PMM2: variants seen among roughly 807,000 people sequenced by gnomAD.
PMM2 encodes the protein mannose-6-phosphate isomerase.
A neutral mutation model predicts 33.2 loss-of-function variants in PMM2; 35 were observed. That is an observed-to-expected ratio of 1.06 (90% CI 0.81 to 1.40). The LOEUF (loss-of-function observed/expected upper bound fraction) is 1.40. Among genes scored for constraint, PMM2 ranks in the 40% most tolerant of loss-of-function variants. The probability of loss-of-function intolerance (pLI) is 0.00; values close to 1 mark genes in which losing one functional copy is unlikely to be tolerated. For missense variants in PMM2, 386 were observed against 306.0 expected (o/e 1.26, Z -1.95); for synonymous variants, 153 against 114.7 (o/e 1.33, Z -2.13).
chr16:8,819,936 A>C (rs1156631756), intron 7 of PMM2, among the ~76,000 whole-genome samples: 1 of 152,212 alleles, frequency 6.6e-6, no homozygotes, highest in Admixed American at 6.5e-5. Flanking sequence ...ATTCTCCTAC[A>C]TCGCTTCTAA....
intron 7 of PMM2, among the ~76,000 whole-genome samples, chr16:8,836,223 C>T (rs943701127): frequency 4.0e-5 from 6 of 151,864 alleles, no homozygotes; most frequent in East Asian, 1.9e-4. Context: ...GAGAGTTACC[C>T]GATGCTCGGC....
At chr16:8,822,732 G>A (rs1331303538) in intron 7 of PMM2, among the ~76,000 whole-genome samples, 2 of 152,204 alleles carry the variant, frequency 1.3e-5, no homozygotes, top group Admixed American at 6.5e-5. Flanking sequence ...CTGACAGGGA[G>A]CGTAGTCAGG....
At chr16:8,815,120 A>G (rs764117294) in intron 7 of PMM2, among the ~76,000 whole-genome samples, 9 of 151,894 alleles carry the variant, frequency 5.9e-5, no homozygotes, top group Admixed American at 2.0e-4. Context: ...TTCACTCAGT[A>G]TGTCTTCTCA....
At chr16:8,827,602 G>A (rs1353650053) in intron 7 of PMM2, among the ~76,000 whole-genome samples, 6 of 147,180 alleles carry the variant, frequency 4.1e-5, no homozygotes, top group African/African-American at 1.3e-4. Flanking sequence ...CACTATGTTG[G>A]CCAGGCTGGT....
chr16:8,829,669 G>C (rs1261511764), intron 7 of PMM2, among the ~76,000 whole-genome samples: 1 of 152,198 alleles, frequency 6.6e-6, no homozygotes, highest in East Asian at 1.9e-4. Flanking sequence ...GATGGTCTCT[G>C]AGCCAGATGG....
At chr16:8,815,629 G>A (rs2060703901) in intron 7 of PMM2, among the ~76,000 whole-genome samples, 1 of 152,116 alleles carries the variant, frequency 6.6e-6, no homozygotes, top group African/African-American at 2.4e-5. Context: ...TGAACACGGG[G>A]GTACAGATAC....
At position 8,806,341 on chromosome 16, in the gene PMM2, C is replaced by A; in HGVS notation, c.281C>A (p.Ala94Asp). The A allele has an allele frequency of 6.2e-7, 1 of 1,608,928 alleles. No individual in the cohort carries two copies. Among genetic ancestry groups the A allele is most frequent in the Non-Finnish European group, 8.5e-7 (1 of 1,175,288 alleles). Reference sequence around the variant, plus strand: ...AATATTCAAAGTCATCTGGGTGAGGCCCTAATCCAAGATTTAATCAACTAC... The same window carrying A: ...AATATTCAAAGTCATCTGGGTGAGGACCTAATCCAAGATTTAATCAACTAC... ...RQNIQSHLGE[A>D]LIQDLINYCL... The change falls in exon 4 of 8, where the codon GCC (alanine) becomes GAC (aspartate). Residue 94 changes from alanine (A) to aspartate (D), a missense_variant. Ala to Asp is a moderately radical substitution (Grantham distance 126). Coordinates refer to ENST00000268261, the MANE Select transcript of PMM2 (RefSeq NM_000303.3).
chr16:8,836,036 A>C lies in PMM2; in HGVS notation c.640-11688A>C, dbSNP rs557642120. Among the ~76,000 whole-genome samples the C allele has an allele frequency of 9.9e-5, 15 of 151,366 alleles. 1 individual carries two copies. Among genetic ancestry groups the C allele is most frequent in the Admixed American group, 4.0e-4 (6 of 15,186 alleles). On this transcript the variant is annotated intron_variant, in intron 7 of 7. Coordinates refer to ENST00000268261, the MANE Select transcript of PMM2 (RefSeq NM_000303.3). ...TGGGGATAACTGAAAAGGAGTGCTT[A>C]AAAGAGTAATGTCTAAATTGGCACC...
Position 8,848,413 on chromosome 16 carries a change from G to A in PMM2, c.*588G>A, listed in dbSNP as rs886052464. On this transcript the variant is annotated 3_prime_UTR_variant, in exon 8 of 8. Transcript: ENST00000268261. ...GACTAGACGCACTCTGCGTTTTCCC[G>A]TGTTTGGGGCTGAGGCCTGCTGGAC... The A allele has an allele frequency of 5.5e-5, 9 of 164,756 alleles. No individual in the cohort carries two copies. Among genetic ancestry groups the A allele is most frequent in the Admixed American group, 2.2e-4 (4 of 17,948 alleles). 10.2% of individuals were successfully genotyped at this position (164,756 alleles called of 1,614,324 possible). A position where few individuals can be genotyped will look rare whatever the true frequency, so the allele number is the denominator to read the frequency against.
chr16:8,832,846 A>G, intron 7 of PMM2: 2 of 985,334 alleles, frequency 2.0e-6, no homozygotes, highest in Non-Finnish European at 2.4e-6. Context: ...TCTGATGGCC[A>G]CATGGCCTGT....
intron 6 of PMM2, 74 bp downstream of exon 6, chr16:8,811,787 T>G (rs1477209696): frequency 4.7e-5 from 48 of 1,017,898 alleles, no homozygotes; most frequent in Non-Finnish European, 7.1e-5. Context: ...AGTGAGCTAT[T>G]GATAATGAAG....
At chr16:8,837,227 C>T (rs1282224975) in intron 7 of PMM2, among the ~76,000 whole-genome samples, 1 of 151,976 alleles carries the variant, frequency 6.6e-6, no homozygotes, top group African/African-American at 2.4e-5. Flanking sequence ...AATGCCTGGA[C>T]ATCAGGCACC....
intron 1 of PMM2, 99 bp from the exon 2 acceptor site, chr16:8,801,700 T>A: frequency 1.3e-6 from 1 of 759,984 alleles, no homozygotes; most frequent in Non-Finnish European, 2.1e-6. Flanking sequence ...AATTTTTAAA[T>A]AAGAAAATAA....
chr16:8,843,082 G>T (rs1309913700), intron 7 of PMM2, among the ~76,000 whole-genome samples: 1 of 152,124 alleles, frequency 6.6e-6, no homozygotes, highest in African/African-American at 2.4e-5. Context: ...GAACTGGGCA[G>T]GTGGGGATAA....
chr16:8,827,719 CATATATATATAT>C (rs60052078), intron 7 of PMM2, among the ~76,000 whole-genome samples: 1,916 of 66,864 alleles, frequency 0.029, 65 homozygotes, highest in East Asian at 0.096. Context: ...TAAATGTGTG[CATATATATATAT>C]ATATATATAT....
At chr16:8,832,848 A>G (rs961438287) in intron 7 of PMM2, 18 of 985,200 alleles carry the variant, frequency 1.8e-5, no homozygotes, top group East Asian at 2.3e-4. Context: ...TGATGGCCAC[A>G]TGGCCTGTGC....
At chr16:8,802,818 G>A (rs780674722) in intron 2 of PMM2, among the ~76,000 whole-genome samples, 58 of 125,320 alleles carry the variant, frequency 4.6e-4, no homozygotes, top group Non-Finnish European at 7.5e-4. Flanking sequence ...CAATAAGAAC[G>A]AAACTCCGTC....
At position 8,806,313 on chromosome 16, in the gene PMM2, T is replaced by C; in HGVS notation, c.256-3T>C. On this transcript the variant is annotated splice_polypyrimidine_tract_variant and splice_region_variant and intron_variant, in intron 3 of 7. Coordinates refer to ENST00000268261, the MANE Select transcript of PMM2 (RefSeq NM_000303.3). ...AAGTAACTCAAGTATTTTCTTCATC[T>C]AGAATATTCAAAGTCATCTGGGTGA... 3.8e-6 allele frequency: 6 copies of C among 1,574,172 alleles called. No homozygotes were observed. The highest frequency in any genetic ancestry group is 5.2e-6 in the Non-Finnish European group (6 of 1,143,610).
intron 2 of PMM2, 128 bp downstream of exon 2, chr16:8,802,038 A>G (rs1180449319): frequency 2.9e-6 from 2 of 695,944 alleles, no homozygotes; most frequent in East Asian, 5.9e-5. Context: ...CTTTTTTGGG[A>G]AACATTTTCT....
Sources: allele counts gnomAD v4.1 joint callset (sites outside exome capture counted in the v4.1 genomes callset), GRCh38; gene constraint gnomAD v4.1.1; transcripts MANE v1.5; gene names NCBI Gene and HGNC (gene_info 2026-07-23, HGNC 2026-07-21).